The following HEMK2 variants were observed in gnomAD, a reference collection of about 807,000 sequenced individuals.
The protein encoded by HEMK2 is HemK methyltransferase 2, ETF1 glutamine and histone H4 lysine.
chr21:28,820,181 C>T, the HEMK2 span, among the ~76,000 whole-genome samples: 1 of 152,084 alleles, frequency 6.6e-6, no homozygotes, highest in East Asian at 1.9e-4. Flanking sequence ...TAGAGATCAA[C>T]AGATTTTAGA....
the HEMK2 span, among the ~76,000 whole-genome samples, chr21:28,755,143 A>T: frequency 6.6e-6 from 1 of 152,182 alleles, no homozygotes; most frequent in Non-Finnish European, 1.5e-5. Flanking sequence ...AGAGGTCTTC[A>T]TCATCACCAG....
At chr21:28,667,976 C>T in the HEMK2 span, among the ~76,000 whole-genome samples, 12 of 152,186 alleles carry the variant, frequency 7.9e-5, no homozygotes, top group East Asian at 1.9e-4. Context: ...CAACAGCAAA[C>T]GAGAAAAAAC....
chr21:28,638,731 C>A, the HEMK2 span, among the ~76,000 whole-genome samples: 1 of 152,134 alleles, frequency 6.6e-6, no homozygotes, highest in Non-Finnish European at 1.5e-5. Flanking sequence ...GCTAGATGAT[C>A]CAGGCTGGCC....
the HEMK2 span, among the ~76,000 whole-genome samples, chr21:28,768,434 G>C: frequency 2.0e-5 from 3 of 152,046 alleles, no homozygotes; most frequent in African/African-American, 7.2e-5. Flanking sequence ...AGGATTTCCT[G>C]TGAGTGTTCC....
At chr21:28,795,458 A>G in the HEMK2 span, among the ~76,000 whole-genome samples, 3 of 152,326 alleles carry the variant, frequency 2.0e-5, no homozygotes, top group Non-Finnish European at 4.4e-5. Flanking sequence ...TCCAGTTCCA[A>G]CAGACTCTGC....
chr21:28,758,311 T>C, the HEMK2 span, among the ~76,000 whole-genome samples: 2 of 152,200 alleles, frequency 1.3e-5, no homozygotes, highest in Non-Finnish European at 1.5e-5. Context: ...TGAGTTGCTC[T>C]GTGCAATCAT....
At chr21:28,612,724 C>T in the HEMK2 span, among the ~76,000 whole-genome samples, 93 of 152,320 alleles carry the variant, frequency 6.1e-4, no homozygotes, top group Middle Eastern at 3.4e-3. Context: ...TAAAAGAATT[C>T]AGCAAAGTTT....
the HEMK2 span, among the ~76,000 whole-genome samples, chr21:28,601,892 T>A: frequency 6.6e-6 from 1 of 152,180 alleles, no homozygotes; most frequent in Admixed American, 6.5e-5. Flanking sequence ...AACCCAGCCC[T>A]TGGACACATC....
At chr21:28,663,557 C>T in the HEMK2 span, among the ~76,000 whole-genome samples, 2 of 152,232 alleles carry the variant, frequency 1.3e-5, no homozygotes, top group African/African-American at 4.8e-5. Flanking sequence ...CCTCAACTAT[C>T]CCATCACATG....
chr21:28,751,168 T>C, the HEMK2 span, among the ~76,000 whole-genome samples: 41 of 149,176 alleles, frequency 2.7e-4, no homozygotes, highest in Admixed American at 2.6e-3. Context: ...GAGGCGGAGC[T>C]TGCAGTGAGC....
At chr21:28,658,361 C>A in the HEMK2 span, among the ~76,000 whole-genome samples, 1 of 151,964 alleles carries the variant, frequency 6.6e-6, no homozygotes, top group African/African-American at 2.4e-5. Context: ...GGCTTGAGGG[C>A]CCTAAGAAAA....
the HEMK2 span, among the ~76,000 whole-genome samples, chr21:28,589,012 A>G: frequency 5.3e-5 from 8 of 151,184 alleles, no homozygotes; most frequent in Non-Finnish European, 1.0e-4. Context: ...TTATTGAGCC[A>G]TACAAAATCA....
At chr21:28,592,042 T>G in the HEMK2 span, among the ~76,000 whole-genome samples, 70 of 152,272 alleles carry the variant, frequency 4.6e-4, no homozygotes, top group African/African-American at 1.6e-3. Flanking sequence ...GATAGAACAA[T>G]TATATTCTTG....
the HEMK2 span, among the ~76,000 whole-genome samples, chr21:28,807,637 G>T: frequency 2.0e-5 from 3 of 152,152 alleles, no homozygotes; most frequent in African/African-American, 4.8e-5. Context: ...GGCTGACATG[G>T]TTCTTTTTGG....
the HEMK2 span, among the ~76,000 whole-genome samples, chr21:28,577,557 CTTT>C: frequency 6.6e-6 from 1 of 152,120 alleles, no homozygotes; most frequent in African/African-American, 2.4e-5. Context: ...CACCTAACAA[CTTT>C]TTATTTCCAA....
chr21:28,685,501 G>A, the HEMK2 span, among the ~76,000 whole-genome samples: 1 of 152,140 alleles, frequency 6.6e-6, no homozygotes, highest in Non-Finnish European at 1.5e-5. Flanking sequence ...TATTAAGAAA[G>A]CAGAAGATTT....
chr21:28,772,128 C>T, the HEMK2 span, among the ~76,000 whole-genome samples: 3 of 152,064 alleles, frequency 2.0e-5, no homozygotes, highest in Admixed American at 6.6e-5. Context: ...GAAAATGCAT[C>T]GTCTGTGGTT....
At chr21:28,864,913 T>TATAGATAGATAGATGG in the HEMK2 span, among the ~76,000 whole-genome samples, 1 of 144,088 alleles carries the variant, frequency 6.9e-6, no homozygotes, top group South Asian at 2.2e-4. Context: ...AGATAGATGA[T>TATAGATAGATAGATGG]ATAGATAGAT....
the HEMK2 span, among the ~76,000 whole-genome samples, chr21:28,644,407 G>T: frequency 2.0e-5 from 3 of 152,026 alleles, no homozygotes; most frequent in East Asian, 5.8e-4. Context: ...AAGATTTTGG[G>T]TGGGGACACA....
Sources: gnomAD v4.1 joint callset for allele counts (sites outside exome capture counted in the v4.1 genomes callset) on GRCh38, gnomAD v4.1.1 for gene constraint, MANE v1.5 for transcripts, NCBI Gene and HGNC (gene_info 2026-07-23, HGNC 2026-07-21) for gene names.